CEP72: variants seen among roughly 807,000 people sequenced by gnomAD.
CEP72 encodes the protein centrosomal protein of 72 kDa.
A neutral mutation model predicts 65.7 loss-of-function variants in CEP72; 78 were observed. The ratio of observed to expected loss-of-function variants is 1.19; its 90% CI spans 0.99 to 1.43. The LOEUF is 1.43. Among genes scored for constraint, CEP72 ranks in the 40% most tolerant of loss-of-function variants. CEP72 has a pLI of 0.00. For missense variants in CEP72, 914 were observed against 832.9 expected (o/e 1.10, Z -1.20); for synonymous variants, 358 against 351.7 (o/e 1.02, Z -0.20).
chr5:664,090 C>CG (rs28364690), intron 2 of CEP72: 19,166 of 152,456 alleles, frequency 0.13, 1,313 homozygotes, highest in South Asian at 0.27. Context: ...TGCTCTCCGG[C>CG]GGGGGGGATT....
chr5:638,815 A>AG (rs1737799919), intron 7 of CEP72, among the ~76,000 whole-genome samples: 1 of 151,968 alleles, frequency 6.6e-6, no homozygotes, highest in Non-Finnish European at 1.5e-5. Context: ...GTCTGGGTTG[A>AG]GGGGAGGAGT....
chr5:624,389 C>G lies in CEP72; in HGVS notation c.404-82C>G. The G allele has an allele frequency of 1.1e-6, 1 of 947,142 alleles. No individual in the cohort carries two copies. The highest frequency in any genetic ancestry group is 1.4e-5 in the South Asian group (1 of 73,896). 58.7% of individuals were successfully genotyped at this position (947,142 alleles called of 1,614,324 possible). Reference sequence around the variant, plus strand: ...GGCTGGCCCCGAGGGGATGGACACCCTGCCCCGTGTAGATGCCCCAGGGTG... The same window carrying G: ...GGCTGGCCCCGAGGGGATGGACACCGTGCCCCGTGTAGATGCCCCAGGGTG... On this transcript the variant is annotated intron_variant, in intron 3 of 11. Transcript: ENST00000264935. The surrounding 1 kb of genome is among the most constrained non-coding windows in gnomAD (Gnocchi z 4.7).
At chr5:670,678 C>T (rs1740189472), downstream of CEP72, among the ~76,000 whole-genome samples, 1 of 152,164 alleles carries the variant, frequency 6.6e-6, no homozygotes, top group African/African-American at 2.4e-5. Context: ...CAGGAGGGTC[C>T]AGTGGTCCCG....
rs374701845 is a variant in CEP72 at position 645,955 on chromosome 5, C to T, written c.1666+1530C>T. Among the ~76,000 whole-genome samples, 10 of 150,820 alleles carry T rather than the reference C, an allele frequency of 6.6e-5. No homozygotes were observed. In the East Asian group the frequency reaches 1.6e-3, roughly 24 times the overall value. On this transcript the variant is annotated intron_variant, in intron 10 of 11. Transcript: ENST00000264935. The surrounding 1 kb of genome is among the most constrained non-coding windows in gnomAD (Gnocchi z 4.0). ...CACTGTGTGAGCGTCACTCCTGCTC[C>T]CGTTGGCGCCCTGTGTGGATGGTGA...
chr5:672,816 A>G, the CEP72 span, among the ~76,000 whole-genome samples: 3 of 152,242 alleles, frequency 2.0e-5, no homozygotes, highest in Non-Finnish European at 4.4e-5. Context: ...GGAGGGAGTC[A>G]TTGTCTGGGT....
intron 9 of CEP72, chr5:642,320 T>C: frequency 1.0e-6 from 1 of 983,970 alleles, no homozygotes; most frequent in Non-Finnish European, 1.2e-6. Flanking sequence ...CCTCATCTGG[T>C]GGAAGCCTCT....
chr5:665,050 C>T (rs372932216), intron 2 of CEP72: 2 of 1,568,530 alleles, frequency 1.3e-6, no homozygotes, highest in East Asian at 2.2e-5. Flanking sequence ...TGCGAGGTGA[C>T]AGAGTCCCTG....
chr5:654,374 C>T (rs535806931), downstream of CEP72, among the ~76,000 whole-genome samples: 52 of 147,770 alleles, frequency 3.5e-4, no homozygotes, highest in African/African-American at 1.2e-3. Flanking sequence ...GCTGTGTGTG[C>T]ACGCGTTGTG....
At chr5:640,163 G>A (rs921713065) in intron 8 of CEP72, among the ~76,000 whole-genome samples, 3 of 152,208 alleles carry the variant, frequency 2.0e-5, no homozygotes, top group Admixed American at 2.0e-4. Context: ...ACCTTGAGAC[G>A]TGGCGGCCCC....
At chr5:629,361 T>C (rs992795364) in intron 4 of CEP72, among the ~76,000 whole-genome samples, 5 of 152,290 alleles carry the variant, frequency 3.3e-5, no homozygotes, top group African/African-American at 1.2e-4. Context: ...CAGAACAGAA[T>C]CTTCCAGAAC....
In CEP72 at chr5:635,423, C is replaced by A. The variant is rs900263051; in HGVS notation, c.743C>A (p.Ser248Tyr). ...TTGGTACAGTACCAGTGTGGGGACT[C>A]TGGGAAGCAGGGCCGTGAGACGAGG... is the stretch of plus-strand genomic sequence containing the variant. ...PQLVQYQCGD[S>Y]GKQGRETRRS... Residue 248 changes from serine to tyrosine, a missense_variant, in exon 6 of 12, where the codon TCT becomes TAT. Physicochemically the swap from Ser to Tyr is moderately radical, Grantham distance 144. Transcript: ENST00000264935. 107 of 1,614,012 alleles carry A rather than the reference C, an allele frequency of 6.6e-5. No homozygotes were observed. Among genetic ancestry groups the A allele is most frequent in the Non-Finnish European group, 8.6e-5 (101 of 1,179,994 alleles).
At chr5:669,481 G>A (rs375691240), downstream of CEP72, among the ~76,000 whole-genome samples, 5 of 152,244 alleles carry the variant, frequency 3.3e-5, no homozygotes, top group East Asian at 7.7e-4. Flanking sequence ...ACTCTCTGGG[G>A]CCCTTGGGGC....
chr5:676,608 C>G, the CEP72 span: 1 of 152,234 alleles, frequency 6.6e-6, no homozygotes, highest in Non-Finnish European at 1.5e-5. Context: ...GCCACACAGG[C>G]GGACAGGACG....
At chr5:656,928 C>T (rs1298395392), downstream of CEP72, 1 of 152,124 alleles carries the variant, frequency 6.6e-6, no homozygotes, top group Admixed American at 6.5e-5. Flanking sequence ...TGTTTTAAAG[C>T]TTCTTCTATC....
At chr5:675,101 A>T in the CEP72 span, among the ~76,000 whole-genome samples, 1 of 4,976 alleles carries the variant, frequency 2.0e-4, no homozygotes, top group Non-Finnish European at 3.6e-4. Flanking sequence ...CAGTGTGGTC[A>T]GGGGTGCAGC....
chr5:636,548 C>T (rs915656973), intron 6 of CEP72, among the ~76,000 whole-genome samples: 6 of 152,182 alleles, frequency 3.9e-5, no homozygotes, highest in Non-Finnish European at 5.9e-5. Flanking sequence ...CGGTGGCTCA[C>T]GCCTATAATC....
chr5:640,231 G>T (rs374460176), intron 8 of CEP72, among the ~76,000 whole-genome samples, 177 bp from the exon 9 acceptor site: 1 of 152,130 alleles, frequency 6.6e-6, no homozygotes, highest in Non-Finnish European at 1.5e-5. Context: ...CACCCTGCCC[G>T]TGTGTGGACG....
intron 11 of CEP72, among the ~76,000 whole-genome samples, chr5:649,314 C>T (rs1272108562): frequency 7.3e-5 from 6 of 82,124 alleles, no homozygotes; most frequent in African/African-American, 1.8e-4. Flanking sequence ...GTGACTGAGG[C>T]GTGACTGTGA....
At position 637,595 on chromosome 5, in the gene CEP72, C is replaced by A. The variant is rs758151630; in HGVS notation, c.983C>A (p.Ala328Asp). Residue 328 changes from alanine to aspartate, a missense_variant, in exon 7 of 12, where the codon GCC becomes GAC. Transcript: ENST00000264935. ...GAAATGGTGCCTGGTCCCCTGCCAG[C>A]CCCCGGAAAGTGCAGGAAGCGAAGA... ...SGEMVPGPLPAPGKCRKRRMP... is the reference protein window; with the variant it reads ...SGEMVPGPLPDPGKCRKRRMP... The A allele has an allele frequency of 1.9e-6, 3 of 1,614,004 alleles. No homozygotes were observed. The highest frequency in any genetic ancestry group is 2.7e-5 in the African/African-American group (2 of 75,024).
Sources: allele counts gnomAD v4.1 joint callset (sites outside exome capture counted in the v4.1 genomes callset), GRCh38; gene constraint gnomAD v4.1.1; non-coding constraint Gnocchi (gnomAD v3.1); transcripts MANE v1.5; gene names NCBI Gene and HGNC (gene_info 2026-07-23, HGNC 2026-07-21).